Variants in PKHD1 observed in about 807,000 individuals in gnomAD.
PKHD1 encodes the protein fibrocystin.
A neutral mutation model predicts 412.0 loss-of-function variants in PKHD1; 291 were observed. The ratio of observed to expected loss-of-function variants is 0.71; its 90% CI spans 0.64 to 0.78. The LOEUF is 0.78. Ranked by LOEUF, PKHD1 falls within the 30% of genes least tolerant of loss-of-function variation. The pLI is 0.00. For synonymous variants in PKHD1, 1,777 were observed against 1,821.5 expected (o/e 0.98, Z 0.62); for missense variants, 4,825 against 4,950.7 (o/e 0.97, Z 0.76).
At chr6:51,997,288 G>T (rs759095141) in intron 35 of PKHD1, among the ~76,000 whole-genome samples, 5 of 152,180 alleles carry the variant, frequency 3.3e-5, no homozygotes, top group Non-Finnish European at 5.9e-5. Context: ...GCCCTGAGCT[G>T]CTGGATCAAG....
rs907274029 is a variant in PKHD1, at chr6:52,083,180, T to C, written c.128A>G (p.Asp43Gly). The C allele has an allele frequency of 1.9e-6, 3 of 1,599,628 alleles. No homozygotes were observed. The highest frequency in any genetic ancestry group is 1.7e-5 in the Admixed American group (1 of 59,990). The change falls in exon 3 of 67, where the codon GAT becomes GGT. Residue 43 changes from aspartate (D) to glycine (G), a missense_variant and splice_region_variant. Asp to Gly is a moderately conservative substitution (Grantham distance 94, BLOSUM62 -1). Transcript: ENST00000371117. The part of the protein sequence containing the change: ...AGGTWITVIF[D>G]GLELGVLYPN... ...CACTTGGTAAAACCCCAACCTACCATCAAAAATGACTGTGATCCACGTTCC... is the reference window on the plus strand; with the variant it reads ...CACTTGGTAAAACCCCAACCTACCACCAAAAATGACTGTGATCCACGTTCC...
chr6:51,721,778 C>A (rs1582277543), intron 60 of PKHD1: 1 of 1,426,450 alleles, frequency 7.0e-7, no homozygotes, highest in Admixed American at 2.8e-5. Flanking sequence ...TATTTCCTCT[C>A]TTTTGTATTT....
chr6:51,632,959 TG>T (rs1768104415), intron 64 of PKHD1, among the ~76,000 whole-genome samples: 1 of 152,174 alleles, frequency 6.6e-6, no homozygotes, highest in South Asian at 2.1e-4. Context: ...AATTATTGAT[TG>T]AGAATTCTTC....
chr6:52,001,432 CTT>C (rs781084036), intron 35 of PKHD1, among the ~76,000 whole-genome samples: 34 of 140,136 alleles, frequency 2.4e-4, no homozygotes, highest in Admixed American at 4.3e-4. Context: ...GAATTTCTTC[CTT>C]TTTTTTTTTT....
intron 49 of PKHD1, among the ~76,000 whole-genome samples, chr6:51,854,458 G>A (rs1333237010): frequency 6.6e-6 from 1 of 152,164 alleles, no homozygotes; most frequent in Non-Finnish European, 1.5e-5. Flanking sequence ...CCTTGGTGGA[G>A]AGGGTGTGTT....
chr6:51,700,337 T>C (rs974312659), intron 60 of PKHD1, among the ~76,000 whole-genome samples: 3 of 152,058 alleles, frequency 2.0e-5, no homozygotes, highest in Non-Finnish European at 4.4e-5. Flanking sequence ...ATGTCATCAA[T>C]GGCTAACACT....
At chr6:52,066,955 CAT>C (rs1237605801) in intron 11 of PKHD1, among the ~76,000 whole-genome samples, 1 of 152,080 alleles carries the variant, frequency 6.6e-6, no homozygotes, top group African/African-American at 2.4e-5. Context: ...TAATATGACA[CAT>C]AGTCCTCAGA....
intron 43 of PKHD1, among the ~76,000 whole-genome samples, chr6:51,898,546 C>T (rs1380680720): frequency 1.4e-5 from 2 of 142,872 alleles, no homozygotes; most frequent in Non-Finnish European, 3.1e-5. Context: ...GCACTAAATG[C>T]CCACAGGAGA....
chr6:51,956,576 G>A (rs1205894562), intron 36 of PKHD1, among the ~76,000 whole-genome samples: 1 of 152,016 alleles, frequency 6.6e-6, no homozygotes, highest in Non-Finnish European at 1.5e-5. Context: ...TATTCTAGTA[G>A]AGGAGACAGA....
chr6:51,909,753 A>T (rs1782676456), intron 39 of PKHD1, among the ~76,000 whole-genome samples: 1 of 152,080 alleles, frequency 6.6e-6, no homozygotes, highest in South Asian at 2.1e-4. Flanking sequence ...TAACCCACAA[A>T]CCCAACCTAA....
chr6:51,900,839 C>T (rs1177601779), intron 43 of PKHD1, among the ~76,000 whole-genome samples: 1 of 151,814 alleles, frequency 6.6e-6, no homozygotes. Context: ...AAAACAACCC[C>T]ATCAAAAAGT....
At chr6:51,897,891 C>G (rs1230667966) in intron 43 of PKHD1, among the ~76,000 whole-genome samples, 3 of 151,524 alleles carry the variant, frequency 2.0e-5, no homozygotes, top group Admixed American at 2.0e-4. Context: ...AGACTTTAAA[C>G]CAACAAAGAT....
intron 48 of PKHD1, among the ~76,000 whole-genome samples, chr6:51,866,886 G>A (rs1232011606): frequency 1.3e-5 from 2 of 152,062 alleles, no homozygotes; most frequent in African/African-American, 4.8e-5. Context: ...TTACTCACTG[G>A]AATTGGGCTC....
rs368984234 is a variant in PKHD1, at chr6:51,970,482, T to C, written c.5752-10456A>G. On this transcript the variant is annotated intron_variant, in intron 35 of 66. Transcript: ENST00000371117. Reference sequence around the variant, plus strand: ...AGGTCCCACTTGCTTATTTTTGGTTTTGTTGCATTTGTTTTTGAGGTCTTG... The same window carrying C: ...AGGTCCCACTTGCTTATTTTTGGTTCTGTTGCATTTGTTTTTGAGGTCTTG... Among the ~76,000 whole-genome samples, 21 of 152,326 alleles carry C rather than the reference T, an allele frequency of 1.4e-4. 1 individual carries two copies. The highest frequency in any genetic ancestry group is 4.8e-4 in the African/African-American group (20 of 41,572).
chr6:51,744,288 T>G, intron 60 of PKHD1, 97 bp downstream of exon 60: 1 of 1,062,122 alleles, frequency 9.4e-7, no homozygotes, highest in South Asian at 1.3e-5. Flanking sequence ...ATTTAGGTCT[T>G]CACCAGTACA....
chr6:51,678,933 TTCCTGGCACAC>T (rs1232395438), intron 60 of PKHD1, among the ~76,000 whole-genome samples: 1 of 151,946 alleles, frequency 6.6e-6, no homozygotes, highest in Non-Finnish European at 1.5e-5. Context: ...GCAGATGCAA[TTCCTGGCACAC>T]TCTTTACCCA....
chr6:51,912,097 T>G, intron 38 of PKHD1, 141 bp from the exon 39 acceptor site: 1 of 729,502 alleles, frequency 1.4e-6, no homozygotes, highest in Non-Finnish European at 2.3e-6. Flanking sequence ...TAGTGAACTA[T>G]AGACACAAGT....
intron 28 of PKHD1, 150 bp downstream of exon 28, chr6:52,035,441 C>G: frequency 1.2e-6 from 1 of 825,470 alleles, no homozygotes; most frequent in East Asian, 2.5e-5. Flanking sequence ...CACTTCATAG[C>G]AAAACAGACA....
chr6:52,043,856 T>A, intron 25 of PKHD1, 126 bp from the exon 26 acceptor site: 1 of 676,632 alleles, frequency 1.5e-6, no homozygotes, highest in Admixed American at 2.3e-5. Context: ...ATTCCTTTTT[T>A]CTATTTTTCC....
Sources: gnomAD v4.1 joint callset for allele counts (sites outside exome capture counted in the v4.1 genomes callset) on GRCh38, gnomAD v4.1.1 for gene constraint, MANE v1.5 for transcripts, NCBI Gene and HGNC (gene_info 2026-07-23, HGNC 2026-07-21) for gene names.